Variants in PALLD observed in about 807,000 individuals in gnomAD.
The protein encoded by PALLD is palladin.
In PALLD, 61 loss-of-function variants were observed where a neutral mutation model predicts 123.5. The ratio of observed to expected loss-of-function variants is 0.49; its 90% CI spans 0.40 to 0.61. The LOEUF is 0.61. Ranked by LOEUF, PALLD falls within the 20% of genes least tolerant of loss-of-function variation. The probability of loss-of-function intolerance (pLI) is 0.00; values close to 1 mark genes in which losing one functional copy is unlikely to be tolerated. For missense variants in PALLD, 1,273 were observed against 1,377.0 expected (o/e 0.92, Z 1.20); for synonymous variants, 465 against 496.4 (o/e 0.94, Z 0.84).
At chr4:168,670,747 CA>C (rs1218643832) in intron 3 of PALLD, among the ~76,000 whole-genome samples, 1 of 25,554 alleles carries the variant, frequency 3.9e-5, no homozygotes, top group Non-Finnish European at 7.2e-5. Context: ...CTCAAAAAAA[CA>C]AAAAAAACAA....
intron 10 of PALLD, among the ~76,000 whole-genome samples, chr4:168,810,821 A>C (rs540583177): frequency 7.6e-6 from 1 of 132,416 alleles, no homozygotes; most frequent in East Asian, 1.9e-4. Flanking sequence ...TCTCAAAAAA[A>C]AAAAAGAAAA....
Position 168,898,497 on chromosome 4 carries a change from A to G in PALLD, c.2255A>G (p.Tyr752Cys). 1 of 1,608,494 alleles carries G rather than the reference A, an allele frequency of 6.2e-7. No homozygotes were observed. Among genetic ancestry groups the G allele is most frequent in the East Asian group, 2.2e-5 (1 of 44,852 alleles). Residue 752 changes from tyrosine to cysteine, a missense_variant, in exon 14 of 22, where the codon TAC becomes TGC. By Grantham distance (194) the Tyr-to-Cys change is radical. This residue lies in a region of PALLD where 944 missense variants were observed against 954.5 expected (regional missense o/e 0.99). Transcript: ENST00000505667. The part of the protein sequence containing the change: ...VGSPLDGQKE[Y>C]KVSSCEQRLI... ...CTTAAACTTTCCTTGATTCAGGAAT[A>G]CAAAGTCTCCAGCTGTGAACAGAGA...
intron 10 of PALLD, among the ~76,000 whole-genome samples, chr4:168,868,210 G>A (rs1294927847): frequency 6.6e-6 from 1 of 152,136 alleles, no homozygotes; most frequent in Non-Finnish European, 1.5e-5. Context: ...ATAATTTGCT[G>A]AAGCCATATA....
At position 168,567,767 on chromosome 4, in the gene PALLD, G is replaced by A. The variant is rs1260029337; in HGVS notation, c.908+55355G>A. On this transcript the variant is annotated intron_variant, in intron 2 of 21. Transcript: ENST00000505667. Reference sequence around the variant, plus strand: ...AACAATCTGTACACATGGACATAGTGAATGGAATAATATACAATGGAGACT... The same window carrying A: ...AACAATCTGTACACATGGACATAGTAAATGGAATAATATACAATGGAGACT... Among the ~76,000 whole-genome samples the A allele has an allele frequency of 4.0e-5, 6 of 151,816 alleles. No individual in the cohort carries two copies. In the East Asian group the frequency reaches 9.6e-4, roughly 24 times the overall value.
chr4:168,872,529 A>AT (rs553935529), intron 10 of PALLD, among the ~76,000 whole-genome samples: 20 of 152,262 alleles, frequency 1.3e-4, no homozygotes, highest in Admixed American at 5.2e-4. Context: ...TAATTCTAGC[A>AT]TTTTTTTGTT....
At chr4:168,898,921 T>G (rs1165342820) in intron 14 of PALLD, among the ~76,000 whole-genome samples, 1 of 152,128 alleles carries the variant, frequency 6.6e-6, no homozygotes, top group Non-Finnish European at 1.5e-5. Context: ...GAGTTTGGGT[T>G]TGAAGAATAG....
At chr4:168,848,436 C>A (rs1747233377) in intron 10 of PALLD, among the ~76,000 whole-genome samples, 1 of 152,114 alleles carries the variant, frequency 6.6e-6, no homozygotes, top group African/African-American at 2.4e-5. Flanking sequence ...GCCGAATGCA[C>A]TGGCCATCTT....
In PALLD at chr4:168,719,640, G is replaced by A. The variant is rs569477136; in HGVS notation, c.1964+7717G>A. Among the ~76,000 whole-genome samples, 3 of 152,250 alleles carry A rather than the reference G, an allele frequency of 2.0e-5. No homozygotes were observed. The South Asian group carries it at 6.2e-4, about 32-fold the overall frequency. ...GTGTACGTTAGTTATATATTTGCCT[G>A]TCACAGGGGTTTGGTGTACAGATAA... is the stretch of plus-strand genomic sequence containing the variant. On this transcript the variant is annotated intron_variant, in intron 10 of 21. Transcript: ENST00000505667.
At chr4:168,598,101 A>G (rs1455453709) in intron 2 of PALLD, 1 of 155,104 alleles carries the variant, frequency 6.4e-6, no homozygotes, top group Non-Finnish European at 1.5e-5. Context: ...TTAACAATGC[A>G]CTTCTTTTTT....
intron 10 of PALLD, among the ~76,000 whole-genome samples, chr4:168,888,759 A>C: frequency 6.6e-6 from 1 of 152,098 alleles, no homozygotes; most frequent in African/African-American, 2.4e-5. Flanking sequence ...TTACCCCCTG[A>C]GTCTGGGGAG....
At chr4:168,632,969 A>T (rs2149834880) in intron 2 of PALLD, among the ~76,000 whole-genome samples, 1 of 152,312 alleles carries the variant, frequency 6.6e-6, no homozygotes, top group Admixed American at 6.5e-5. Flanking sequence ...GGCAGCGGGG[A>T]AGACCCCCTG....
rs550321933 is a variant in PALLD at position 168,928,048 on chromosome 4, G to A, written c.*1868G>A. The A allele has an allele frequency of 4.1e-5, 8 of 195,590 alleles. No individual in the cohort carries two copies. The South Asian group carries it at 1.5e-3, about 38-fold the overall frequency. The allele number at this position is 195,590 out of a possible 1,614,324, so 12.1% of individuals were successfully genotyped here. A position where few individuals can be genotyped will look rare whatever the true frequency, so the allele number is the denominator to read the frequency against. ...CACATGTACAGCTTTCTACTTCTTT[G>A]TAAGAACACCAACCAACCAAGGTTT... On this transcript the variant is annotated 3_prime_UTR_variant, in exon 22 of 22. Coordinates refer to ENST00000505667, the MANE Select transcript of PALLD (RefSeq NM_001166108.2).
At chr4:168,919,003 T>A (rs762833554) in intron 17 of PALLD, among the ~76,000 whole-genome samples, 5 of 152,166 alleles carry the variant, frequency 3.3e-5, no homozygotes, top group African/African-American at 4.8e-5. Flanking sequence ...AATCTGGAAT[T>A]TATTTTTAAA....
intron 10 of PALLD, among the ~76,000 whole-genome samples, chr4:168,782,246 C>G (rs1736028404): frequency 6.6e-6 from 1 of 152,166 alleles, no homozygotes. Context: ...CCTCTGTTAG[C>G]CAACTCTTTT....
At chr4:168,582,694 A>C (rs754026651) in intron 2 of PALLD, among the ~76,000 whole-genome samples, 7 of 152,154 alleles carry the variant, frequency 4.6e-5, no homozygotes, top group Non-Finnish European at 8.8e-5. Context: ...GATAATATTT[A>C]TCCCTCATCC....
intron 10 of PALLD, among the ~76,000 whole-genome samples, chr4:168,818,606 T>C (rs917692184): frequency 6.6e-6 from 1 of 152,046 alleles, no homozygotes; most frequent in Non-Finnish European, 1.5e-5. Flanking sequence ...TAAATAGTGG[T>C]AAAAAGAGTA....
chr4:168,825,948 C>A (rs1051021538), intron 10 of PALLD, among the ~76,000 whole-genome samples: 1 of 152,116 alleles, frequency 6.6e-6, no homozygotes, highest in Non-Finnish European at 1.5e-5. Context: ...ATCTGTAATC[C>A]TCGCCTAAAT....
chr4:168,581,411 C>T (rs1169768246), intron 2 of PALLD, among the ~76,000 whole-genome samples: 2 of 152,084 alleles, frequency 1.3e-5, no homozygotes, highest in East Asian at 3.9e-4. Context: ...CTTGCCAACG[C>T]TTAATCTTTT....
In PALLD at chr4:168,641,186, C is replaced by T. The variant is rs979733974; in HGVS notation, c.909-27004C>T. On this transcript the variant is annotated intron_variant, in intron 2 of 21. Coordinates refer to ENST00000505667, the MANE Select transcript of PALLD (RefSeq NM_001166108.2). Reference sequence around the variant, plus strand: ...TTGCACCACGGCACTCCAGCCTGGGCGACAGAGCGAGACTCCATCTCAAAA... The same window carrying T: ...TTGCACCACGGCACTCCAGCCTGGGTGACAGAGCGAGACTCCATCTCAAAA... 2.0e-3 allele frequency among the ~76,000 whole-genome samples: 290 copies of T among 145,304 alleles called. 3 individuals carry two copies. Among genetic ancestry groups the T allele is most frequent in the Non-Finnish European group, 1.3e-3 (84 of 67,048 alleles).
Sources: gnomAD v4.1 joint callset for allele counts (sites outside exome capture counted in the v4.1 genomes callset) on GRCh38, gnomAD v4.1.1 for gene constraint, gnomAD v4.1.1 regional missense constraint, MANE v1.5 for transcripts, NCBI Gene and HGNC (gene_info 2026-07-23, HGNC 2026-07-21) for gene names.